MAGI2: variants seen among roughly 807,000 people sequenced by gnomAD.
The protein encoded by MAGI2 is membrane-associated guanylate kinase, WW and PDZ domain-containing protein 2.
MAGI2 carries 35 observed loss-of-function variants against 133.3 expected under a neutral mutation model. That is an observed-to-expected ratio of 0.26 (90% CI 0.20 to 0.35). The LOEUF (loss-of-function observed/expected upper bound fraction) is 0.35, where lower values mean the gene tolerates loss of function less well. MAGI2 is among the 10% of genes least tolerant of loss of function. The pLI is 1.00. For synonymous variants in MAGI2, 729 were observed against 710.6 expected (o/e 1.03, Z -0.41); for missense variants, 1,636 against 1,863.4 (o/e 0.88, Z 2.25).
chr7:78,209,079 G>T (rs201962664), intron 10 of MAGI2, among the ~76,000 whole-genome samples: 14 of 136,356 alleles, frequency 1.0e-4, no homozygotes, highest in Non-Finnish European at 2.3e-4. Context: ...AAAATTAGCC[G>T]GGCGTGGTGG....
chr7:79,437,056 T>G (rs1485608873), intron 1 of MAGI2, among the ~76,000 whole-genome samples: 2 of 152,264 alleles, frequency 1.3e-5, no homozygotes, highest in East Asian at 1.9e-4. Context: ...GCAACATGGA[T>G]GCATGGACGC....
intron 1 of MAGI2, among the ~76,000 whole-genome samples, chr7:79,064,261 A>G (rs550075582): frequency 6.6e-6 from 1 of 152,118 alleles, no homozygotes; most frequent in Non-Finnish European, 1.5e-5. Flanking sequence ...AATATAATTA[A>G]GTAGAAAGTA....
intron 3 of MAGI2, among the ~76,000 whole-genome samples, chr7:78,581,205 G>A (rs1802801626): frequency 6.6e-6 from 1 of 152,140 alleles, no homozygotes. Flanking sequence ...AGGCTTGGGG[G>A]AGGGAGGATA....
At chr7:78,332,080 T>A (rs1584906429) in intron 9 of MAGI2, among the ~76,000 whole-genome samples, 1 of 152,306 alleles carries the variant, frequency 6.6e-6, no homozygotes, top group South Asian at 2.1e-4. Flanking sequence ...AAGTTCTTAA[T>A]CCTGCAGCAG....
chr7:78,401,947 T>A (rs570356162), intron 6 of MAGI2, among the ~76,000 whole-genome samples: 1 of 151,840 alleles, frequency 6.6e-6, no homozygotes, highest in Non-Finnish European at 1.5e-5. Context: ...TTTCAATGTG[T>A]TTCTACTTGT....
intron 1 of MAGI2, among the ~76,000 whole-genome samples, chr7:79,205,861 C>A (rs1285522891): frequency 6.7e-6 from 1 of 150,316 alleles, no homozygotes; most frequent in African/African-American, 2.5e-5. Flanking sequence ...AACCACAACA[C>A]CAAAACCTAG....
intron 6 of MAGI2, among the ~76,000 whole-genome samples, chr7:78,472,140 T>A (rs1791271009): frequency 6.6e-6 from 1 of 152,124 alleles, no homozygotes; most frequent in Non-Finnish European, 1.5e-5. Flanking sequence ...GGTTTGCAGA[T>A]GATCATCTCT....
At chr7:79,334,896 T>C (rs994629780) in intron 1 of MAGI2, among the ~76,000 whole-genome samples, 2 of 152,176 alleles carry the variant, frequency 1.3e-5, no homozygotes, top group African/African-American at 4.8e-5. Context: ...GTATGACATG[T>C]ATCATTATAA....
chr7:78,632,405 G>A (rs1010032178), intron 2 of MAGI2, among the ~76,000 whole-genome samples: 6 of 152,166 alleles, frequency 3.9e-5, no homozygotes, highest in African/African-American at 7.2e-5. Flanking sequence ...GTGAGAAAAA[G>A]ACCTGAAGGG....
chr7:79,150,843 A>C (rs548138751), intron 1 of MAGI2, among the ~76,000 whole-genome samples: 13 of 152,158 alleles, frequency 8.5e-5, no homozygotes, highest in Admixed American at 7.9e-4. Flanking sequence ...TATATGGAAA[A>C]ATTCAGGTTT....
intron 16 of MAGI2, among the ~76,000 whole-genome samples, chr7:78,141,756 A>G (rs995906505): frequency 6.6e-6 from 1 of 152,074 alleles, no homozygotes; most frequent in African/African-American, 2.4e-5. Flanking sequence ...CAGTTTAGCT[A>G]CCCTGCAGTT....
At chr7:78,445,404 T>C (rs1338739127) in intron 6 of MAGI2, among the ~76,000 whole-genome samples, 6 of 152,072 alleles carry the variant, frequency 3.9e-5, no homozygotes, top group Admixed American at 2.6e-4. Flanking sequence ...GCTGGCTGCA[T>C]TGTAAAATTC....
At chr7:78,110,352 C>A (rs1819230847) in intron 20 of MAGI2, among the ~76,000 whole-genome samples, 1 of 152,180 alleles carries the variant, frequency 6.6e-6, no homozygotes, top group Admixed American at 6.5e-5. Flanking sequence ...ATGCATCCTT[C>A]AGGCAGATAA....
At chr7:78,319,173 A>T (rs939557281) in intron 9 of MAGI2, among the ~76,000 whole-genome samples, 4 of 152,236 alleles carry the variant, frequency 2.6e-5, no homozygotes, top group Non-Finnish European at 5.9e-5. Context: ...CAGACTGGCA[A>T]ATTCGATAAA....
At chr7:78,085,571 C>T (rs1282801109) in intron 20 of MAGI2, among the ~76,000 whole-genome samples, 1 of 143,196 alleles carries the variant, frequency 7.0e-6, no homozygotes, top group Admixed American at 6.8e-5. Context: ...CACACACACA[C>T]ACACACACAC....
intron 9 of MAGI2, among the ~76,000 whole-genome samples, chr7:78,290,387 G>A (rs1796578539): frequency 2.6e-5 from 4 of 152,316 alleles, no homozygotes; most frequent in African/African-American, 7.2e-5. Context: ...AATGCAACAA[G>A]AAGAGCTAAC....
At chr7:79,125,366 G>A (rs992694043) in intron 1 of MAGI2, 6 of 479,498 alleles carry the variant, frequency 1.3e-5, no homozygotes, top group Non-Finnish European at 2.5e-5. Context: ...GGTTTCAGTG[G>A]GAATGACAAC....
chr7:78,193,484 T>C (rs1828429892), intron 12 of MAGI2, among the ~76,000 whole-genome samples: 2 of 152,230 alleles, frequency 1.3e-5, no homozygotes, highest in South Asian at 4.1e-4. Context: ...CTCACAGTGC[T>C]GACAGCAAAA....
intron 13 of MAGI2, among the ~76,000 whole-genome samples, chr7:78,180,516 A>G (rs1235801507): frequency 6.6e-6 from 1 of 152,200 alleles, no homozygotes; most frequent in Non-Finnish European, 1.5e-5. Context: ...TCTTTTTAGG[A>G]GAAAAATCTA....
Sources: allele counts gnomAD v4.1 joint callset (sites outside exome capture counted in the v4.1 genomes callset), GRCh38; gene constraint gnomAD v4.1.1; transcripts MANE v1.5; gene names NCBI Gene and HGNC (gene_info 2026-07-23, HGNC 2026-07-21).